CDH12: variants seen among roughly 807,000 people sequenced by gnomAD.
CDH12 encodes the protein cadherin-12.
In CDH12, 41 loss-of-function variants were observed where a neutral mutation model predicts 74.1. The observed-to-expected ratio is 0.55, with a 90% CI of 0.43 to 0.72. The LOEUF is 0.72. CDH12 is among the 30% of genes least tolerant of loss of function. CDH12 has a pLI of 0.00. For missense variants in CDH12, 945 were observed against 977.2 expected (o/e 0.97, Z 0.44); for synonymous variants, 399 against 355.0 (o/e 1.12, Z -1.39).
At chr5:22,376,418 G>T (rs1029741368) in intron 3 of CDH12, among the ~76,000 whole-genome samples, 2 of 152,128 alleles carry the variant, frequency 1.3e-5, no homozygotes, top group African/African-American at 4.8e-5. Flanking sequence ...TTTCAACAAT[G>T]TAATGTATAT....
chr5:21,871,698 G>T (rs1333260044), intron 6 of CDH12, among the ~76,000 whole-genome samples: 1 of 152,134 alleles, frequency 6.6e-6, no homozygotes. Context: ...CTGCACTCCA[G>T]CTTAGGCAAC....
intron 1 of CDH12, among the ~76,000 whole-genome samples, chr5:22,845,950 C>G (rs1737281541): frequency 6.6e-6 from 1 of 152,002 alleles, no homozygotes; most frequent in South Asian, 2.1e-4. Context: ...ACAATAGTGT[C>G]TGGAGCGAAG....
At chr5:22,358,162 A>T (rs1022275664) in intron 3 of CDH12, among the ~76,000 whole-genome samples, 1 of 152,066 alleles carries the variant, frequency 6.6e-6, no homozygotes, top group Non-Finnish European at 1.5e-5. Context: ...TAATCCTAAC[A>T]CTTTGGGAGG....
Position 22,046,430 on chromosome 5 carries a change from C to CTTTTT in CDH12, c.231+32011_231+32015dup, listed in dbSNP as rs11323330. On this transcript the variant is annotated intron_variant, in intron 5 of 14. Coordinates refer to ENST00000382254, the MANE Select transcript of CDH12 (RefSeq NM_004061.5). Reference sequence around the variant, plus strand: ...GAGAAAGTCACTGGTCATTTAATTTCTTTTTTTTTTTTTTTTTTTTTTGAG... The same window carrying CTTTTT: ...GAGAAAGTCACTGGTCATTTAATTTCTTTTTTTTTTTTTTTTTTTTTTTTTTTGAG... 4.1e-4 allele frequency among the ~76,000 whole-genome samples: 41 copies of CTTTTT among 100,358 alleles called. 1 individual carries two copies. Among genetic ancestry groups the CTTTTT allele is most frequent in the African/African-American group, 6.0e-4 (14 of 23,406 alleles). 65.8% of individuals were successfully genotyped at this position (100,358 alleles called of 152,430 possible).
rs144823091 is a variant in CDH12, at chr5:21,976,593, T to C, written c.232-1208A>G. Reference sequence around the variant, plus strand: ...TAAATAATATTTACATTAATTTTTATGCAGATGTTGATTTAAATGTTTTAA... The same window carrying C: ...TAAATAATATTTACATTAATTTTTACGCAGATGTTGATTTAAATGTTTTAA... On this transcript the variant is annotated intron_variant, in intron 5 of 14. Coordinates refer to ENST00000382254, the MANE Select transcript of CDH12 (RefSeq NM_004061.5). Among the ~76,000 whole-genome samples, 17 of 151,634 alleles carry C rather than the reference T, an allele frequency of 1.1e-4. No homozygotes were observed. In the East Asian group the frequency reaches 3.3e-3, roughly 29 times the overall value.
intron 9 of CDH12, among the ~76,000 whole-genome samples, chr5:21,808,105 G>A (rs918692045): frequency 6.6e-6 from 1 of 152,014 alleles, no homozygotes; most frequent in African/African-American, 2.4e-5. Flanking sequence ...GAGCCACAAG[G>A]AAGTAGTAAC....
At chr5:21,816,085 T>G (rs1748024532) in intron 9 of CDH12, among the ~76,000 whole-genome samples, 1 of 152,128 alleles carries the variant, frequency 6.6e-6, no homozygotes, top group African/African-American at 2.4e-5. Flanking sequence ...AGTTGACTCC[T>G]GAGCAACATG....
intron 2 of CDH12, among the ~76,000 whole-genome samples, chr5:22,435,891 T>C (rs981095690): frequency 6.6e-6 from 1 of 151,884 alleles, no homozygotes; most frequent in African/African-American, 2.4e-5. Context: ...CCCTATGATT[T>C]CATCTTTGAC....
chr5:21,877,022 G>T (rs1751973756), intron 6 of CDH12, among the ~76,000 whole-genome samples: 1 of 152,164 alleles, frequency 6.6e-6, no homozygotes, highest in Admixed American at 6.5e-5. Context: ...GGCCAACATG[G>T]CAAAACCCTA....
At chr5:22,311,942 G>A (rs1396198631) in intron 3 of CDH12, among the ~76,000 whole-genome samples, 1 of 151,956 alleles carries the variant, frequency 6.6e-6, no homozygotes, top group East Asian at 1.9e-4. Flanking sequence ...TTTATAAGTG[G>A]TAACTATATA....
At chr5:22,355,511 C>T (rs1038548652) in intron 3 of CDH12, among the ~76,000 whole-genome samples, 2 of 19,020 alleles carry the variant, frequency 1.1e-4, no homozygotes, top group Non-Finnish European at 1.0e-3. Flanking sequence ...ATATATATTT[C>T]CTTAAAAAAA....
chr5:22,590,424 G>A (rs1665681112), intron 1 of CDH12, among the ~76,000 whole-genome samples: 1 of 151,822 alleles, frequency 6.6e-6, no homozygotes, highest in South Asian at 2.1e-4. Context: ...GTAAAGTCTG[G>A]ATCTTTTAAT....
In CDH12 at chr5:22,787,591, T is replaced by A. The variant is rs570803245; in HGVS notation, c.-523+65467A>T. Among the ~76,000 whole-genome samples, 364 of 152,178 alleles carry A rather than the reference T, an allele frequency of 2.4e-3. 3 individuals carry two copies. The highest frequency in any genetic ancestry group is 8.6e-3 in the African/African-American group (358 of 41,570). The stretch of plus-strand genomic sequence containing the variant: ...AATGTTTTAAAATATTTATTTTTAA[T>A]AATGTTTTATTTTTAATAGTTTTAT... On this transcript the variant is annotated intron_variant, in intron 1 of 14. Transcript: ENST00000382254.
intron 1 of CDH12, among the ~76,000 whole-genome samples, chr5:22,621,233 C>G (rs756727602): frequency 2.6e-5 from 4 of 152,136 alleles, no homozygotes; most frequent in Non-Finnish European, 5.9e-5. Context: ...CTGGGCCAAC[C>G]AGGAAATTCT....
At chr5:22,238,423 T>A (rs1466315000) in intron 3 of CDH12, among the ~76,000 whole-genome samples, 1 of 152,212 alleles carries the variant, frequency 6.6e-6, no homozygotes, top group South Asian at 2.1e-4. Context: ...AATCTTGTAG[T>A]TTTACCTACC....
chr5:22,147,336 C>A (rs1747254134), intron 4 of CDH12, among the ~76,000 whole-genome samples: 1 of 151,972 alleles, frequency 6.6e-6, no homozygotes, highest in African/African-American at 2.4e-5. Flanking sequence ...GATGTTTGTT[C>A]TTTTTTTCTC....
chr5:22,299,632 G>A (rs1410910915), intron 3 of CDH12, among the ~76,000 whole-genome samples: 1 of 152,164 alleles, frequency 6.6e-6, no homozygotes, highest in Non-Finnish European at 1.5e-5. Flanking sequence ...TCTATTGGCT[G>A]TGAGAGATTG....
intron 6 of CDH12, among the ~76,000 whole-genome samples, chr5:21,872,316 G>C (rs1751666331): frequency 6.6e-6 from 1 of 152,130 alleles, no homozygotes; most frequent in African/African-American, 2.4e-5. Context: ...TTTACACCTT[G>C]TGATTCAAAC....
chr5:22,693,742 G>A lies in CDH12; in HGVS notation c.-523+159316C>T, dbSNP rs117474879. Among the ~76,000 whole-genome samples the A allele has an allele frequency of 4.2e-3, 523 of 123,182 alleles. 17 individuals are homozygous for A. The South Asian group carries it at 0.1, about 24-fold the overall frequency. 80.8% of individuals were successfully genotyped at this position (123,182 alleles called of 152,430 possible). A position where few individuals can be genotyped will look rare whatever the true frequency, so the allele number is the denominator to read the frequency against. On this transcript the variant is annotated intron_variant, in intron 1 of 14. Coordinates refer to ENST00000382254, the MANE Select transcript of CDH12 (RefSeq NM_004061.5). Reference sequence around the variant, plus strand: ...CTTCATGCTCTATAATTTACCAATTGAAATGTTTATTGAATTTATATATAT... The same window carrying A: ...CTTCATGCTCTATAATTTACCAATTAAAATGTTTATTGAATTTATATATAT...
Sources: gnomAD v4.1 joint callset for allele counts (sites outside exome capture counted in the v4.1 genomes callset) on GRCh38, gnomAD v4.1.1 for gene constraint, MANE v1.5 for transcripts, NCBI Gene and HGNC (gene_info 2026-07-23, HGNC 2026-07-21) for gene names.